The following SLX4IP variants were observed in gnomAD, a reference collection of about 807,000 sequenced individuals.
SLX4IP encodes SLX4 interacting protein.
SLX4IP carries 34 observed loss-of-function variants against 32.9 expected under a neutral mutation model. That is an observed-to-expected ratio of 1.03 (90% confidence interval 0.79 to 1.38). The LOEUF is 1.38. Ranked by LOEUF, SLX4IP falls within the 40% of genes most tolerant of loss-of-function variation. The pLI is 0.00. For synonymous variants in SLX4IP, 172 were observed against 171.7 expected, an observed-to-expected ratio of 1.00 and a Z score of -0.01; for missense variants, 444 against 479.0, an observed-to-expected ratio of 0.93 and a Z score of 0.68.
intron 1 of SLX4IP, among the ~76,000 whole-genome samples, chr20:10,456,197 A>G (rs1055723175): frequency 3.3e-5 from 5 of 152,198 alleles, no homozygotes; most frequent in Non-Finnish European, 5.9e-5. Context: ...ATATCTCATC[A>G]TGTATGTGCA....
At chr20:10,576,040 G>A (rs999141312) in intron 4 of SLX4IP, among the ~76,000 whole-genome samples, 1 of 152,130 alleles carries the variant, frequency 6.6e-6, no homozygotes, top group Non-Finnish European at 1.5e-5. Context: ...TCTAACCCAA[G>A]TGTTGATTAA....
At chr20:10,536,275 G>A (rs1200058859) in intron 2 of SLX4IP, among the ~76,000 whole-genome samples, 1 of 151,954 alleles carries the variant, frequency 6.6e-6, no homozygotes, top group African/African-American at 2.4e-5. Flanking sequence ...TGCCTGTAAT[G>A]GCAGCATTTT....
intron 6 of SLX4IP, among the ~76,000 whole-genome samples, chr20:10,614,547 C>T (rs1221701843): frequency 7.2e-5 from 11 of 152,128 alleles, no homozygotes; most frequent in South Asian, 2.1e-4. Flanking sequence ...AAAGATCTGC[C>T]GCCATAAACT....
intron 6 of SLX4IP, among the ~76,000 whole-genome samples, chr20:10,607,631 C>T (rs1199086709): frequency 6.6e-6 from 1 of 152,102 alleles, no homozygotes; most frequent in Non-Finnish European, 1.5e-5. Context: ...CTACGATGGG[C>T]TGTTTTCCTT....
intron 6 of SLX4IP, among the ~76,000 whole-genome samples, chr20:10,615,192 A>ACTT (rs1269614058): frequency 1.3e-5 from 2 of 152,098 alleles, no homozygotes; most frequent in Non-Finnish European, 2.9e-5. Flanking sequence ...AGCCACTTGC[A>ACTT]CTTCTCCCTT....
chr20:10,614,069 G>A (rs2066998985), intron 6 of SLX4IP: 12 of 1,542,542 alleles, frequency 7.8e-6, no homozygotes, highest in African/African-American at 2.7e-5. Flanking sequence ...CCTCCTTGTC[G>A]CCCTCGCCCA....
chr20:10,552,162 G>A (rs1055891561), intron 2 of SLX4IP, among the ~76,000 whole-genome samples: 7 of 152,188 alleles, frequency 4.6e-5, no homozygotes, highest in African/African-American at 1.4e-4. Context: ...TGGGGGACTC[G>A]CAGCCCAGTG....
At chr20:10,458,276 C>A (rs2065305079) in intron 2 of SLX4IP, 45 bp downstream of exon 2, 2 of 1,493,990 alleles carry the variant, frequency 1.3e-6, no homozygotes, top group South Asian at 1.3e-5. Context: ...TAATCACTTT[C>A]TAATATAACT....
At chr20:10,455,479 A>G (rs1254479900) in intron 1 of SLX4IP, among the ~76,000 whole-genome samples, 2 of 152,104 alleles carry the variant, frequency 1.3e-5, no homozygotes, top group Non-Finnish European at 2.9e-5. Flanking sequence ...TGAAAAAACT[A>G]TTTTCCCATC....
intron 2 of SLX4IP, among the ~76,000 whole-genome samples, chr20:10,553,009 C>A (rs1282505961): frequency 6.6e-6 from 1 of 152,102 alleles, no homozygotes; most frequent in Non-Finnish European, 1.5e-5. Context: ...TTTGGAAGGG[C>A]TTTTATTCCA....
chr20:10,439,426 T>G (rs1254074238), intron 1 of SLX4IP, among the ~76,000 whole-genome samples: 1 of 152,152 alleles, frequency 6.6e-6, no homozygotes, highest in Admixed American at 6.5e-5. Context: ...CCCAGACCTG[T>G]CTCAAACTCC....
intron 2 of SLX4IP, among the ~76,000 whole-genome samples, chr20:10,462,382 A>G (rs1422151654): frequency 6.6e-6 from 1 of 152,248 alleles, no homozygotes; most frequent in Non-Finnish European, 1.5e-5. Context: ...GCTAAGGTAT[A>G]TCATCCTAAA....
chr20:10,570,673 C>T (rs572981346), intron 4 of SLX4IP, among the ~76,000 whole-genome samples: 46 of 151,848 alleles, frequency 3.0e-4, no homozygotes, highest in Admixed American at 5.9e-4. Flanking sequence ...GGATTACAGG[C>T]GCCTGCCACC....
chr20:10,594,139 T>A (rs1485511569), intron 4 of SLX4IP, among the ~76,000 whole-genome samples: 2 of 152,220 alleles, frequency 1.3e-5, no homozygotes, highest in African/African-American at 2.4e-5. Context: ...TTAACTGTTA[T>A]TGAATCTAGA....
intron 5 of SLX4IP, among the ~76,000 whole-genome samples, chr20:10,599,016 A>T (rs2066809155): frequency 2.0e-5 from 3 of 152,222 alleles, no homozygotes; most frequent in Admixed American, 2.0e-4. Context: ...GACTCAACAC[A>T]GTTGAACTAT....
chr20:10,512,776 C>CTA (rs769874841), intron 2 of SLX4IP, among the ~76,000 whole-genome samples: 11 of 114,742 alleles, frequency 9.6e-5, no homozygotes, highest in South Asian at 4.7e-4. Flanking sequence ...CACACACACA[C>CTA]TCTATATATA....
intron 5 of SLX4IP, among the ~76,000 whole-genome samples, 187 bp from the exon 6 acceptor site, chr20:10,601,544 C>G (rs2066841757): frequency 6.6e-6 from 1 of 152,150 alleles, no homozygotes; most frequent in Non-Finnish European, 1.5e-5. Flanking sequence ...ATCAGCTCTC[C>G]CTAGAGCTTT....
intron 2 of SLX4IP, among the ~76,000 whole-genome samples, chr20:10,460,121 CT>C (rs1278957716): frequency 6.6e-6 from 1 of 152,130 alleles, no homozygotes; most frequent in African/African-American, 2.4e-5. Context: ...AAGTGATGAA[CT>C]TTCACTATTT....
intron 2 of SLX4IP, among the ~76,000 whole-genome samples, chr20:10,519,752 C>T (rs1285630141): frequency 6.6e-6 from 1 of 152,178 alleles, no homozygotes; most frequent in Non-Finnish European, 1.5e-5. Flanking sequence ...AGTGGAATTG[C>T]TAAGTCGTAT....
Sources: allele counts gnomAD v4.1 joint callset (sites outside exome capture counted in the v4.1 genomes callset), GRCh38; gene constraint gnomAD v4.1.1; transcripts MANE v1.5; gene names NCBI Gene and HGNC (gene_info 2026-07-23, HGNC 2026-07-21).